ACVR1C: variants seen among roughly 807,000 people sequenced by gnomAD.
ACVR1C encodes activin A receptor type 1C.
In ACVR1C, 23 loss-of-function variants were observed where a neutral mutation model predicts 57.9. The ratio of observed to expected loss-of-function variants is 0.40; its 90% CI spans 0.29 to 0.56. The LOEUF is 0.56. ACVR1C is among the 20% of genes least tolerant of loss of function. The pLI, the probability that ACVR1C is intolerant of heterozygous loss-of-function variation, is 0.50. For synonymous variants in ACVR1C, 214 were observed against 215.3 expected (o/e 0.99, Z 0.05); for missense variants, 480 against 607.9 (o/e 0.79, Z 2.21).
rs1198770122 is a variant in ACVR1C, at chr2:157,582,181, C to T, written c.304+5006G>A. 3.9e-5 allele frequency among the ~76,000 whole-genome samples: 6 copies of T among 152,010 alleles called. No individual in the cohort carries two copies. In the East Asian group the frequency reaches 7.7e-4, roughly 20 times the overall value. ...AAATAATTTTTTTTTTGAAATTAGC[C>T]AGATGTGGTGGCATGTGCCTGTAGT... On this transcript the variant is annotated intron_variant, in intron 2 of 8. Coordinates refer to ENST00000243349, the MANE Select transcript of ACVR1C (RefSeq NM_145259.3).
At chr2:157,585,275 T>C (rs940879274) in intron 2 of ACVR1C, among the ~76,000 whole-genome samples, 11 of 152,178 alleles carry the variant, frequency 7.2e-5, no homozygotes, top group Non-Finnish European at 1.0e-4. Flanking sequence ...TCATCACACA[T>C]ATTCTCGATA....
intron 2 of ACVR1C, among the ~76,000 whole-genome samples, chr2:157,559,417 A>C (rs1573919578): frequency 6.7e-6 from 1 of 149,590 alleles, no homozygotes; most frequent in Non-Finnish European, 1.5e-5. Context: ...GGGATAAATG[A>C]AAAAAAAAAC....
At chr2:157,618,547 A>G (rs1682701774) in intron 1 of ACVR1C, among the ~76,000 whole-genome samples, 1 of 151,764 alleles carries the variant, frequency 6.6e-6, no homozygotes, top group African/African-American at 2.4e-5. Flanking sequence ...CTCTCTCTAT[A>G]AGAAACCCAA....
intron 3 of ACVR1C, among the ~76,000 whole-genome samples, chr2:157,550,746 A>AG (rs1687894856): frequency 6.6e-6 from 1 of 152,038 alleles, no homozygotes; most frequent in South Asian, 2.1e-4. Flanking sequence ...AAAAAAAAAA[A>AG]AAGAAGTGTT....
At chr2:157,597,337 C>A in intron 1 of ACVR1C, 1 of 985,746 alleles carries the variant, frequency 1.0e-6, no homozygotes, top group South Asian at 4.7e-5. Flanking sequence ...CACCCCGGCC[C>A]GCCCCCGGGG....
intron 2 of ACVR1C, among the ~76,000 whole-genome samples, chr2:157,558,351 C>T (rs1688156495): frequency 6.6e-6 from 1 of 152,204 alleles, no homozygotes; most frequent in Non-Finnish European, 1.5e-5. Context: ...TTTGCACTGA[C>T]AATGCTAAAG....
intron 3 of ACVR1C, among the ~76,000 whole-genome samples, chr2:157,554,565 G>T (rs1688044210): frequency 6.6e-6 from 1 of 152,132 alleles, no homozygotes; most frequent in African/African-American, 2.4e-5. Context: ...TACAGTGATG[G>T]TGTAAACATT....
intron 1 of ACVR1C, among the ~76,000 whole-genome samples, chr2:157,611,676 C>A (rs932767229): frequency 2.6e-5 from 4 of 152,154 alleles, no homozygotes; most frequent in African/African-American, 9.7e-5. Flanking sequence ...AGTCCCCAGG[C>A]TCCTAGGTGG....
At chr2:157,627,524 A>G (rs1444524821) in intron 1 of ACVR1C, among the ~76,000 whole-genome samples, 2 of 152,212 alleles carry the variant, frequency 1.3e-5, no homozygotes, top group Non-Finnish European at 2.9e-5. Context: ...ACATGACAGC[A>G]ATCATATCAT....
chr2:157,584,806 A>G (rs1410662164), intron 2 of ACVR1C, among the ~76,000 whole-genome samples: 2 of 152,244 alleles, frequency 1.3e-5, no homozygotes, highest in African/African-American at 2.4e-5. Flanking sequence ...TTTGCGAATA[A>G]CAGCCCCACA....
At chr2:157,604,324 C>T (rs1486059049) in intron 1 of ACVR1C, among the ~76,000 whole-genome samples, 1 of 151,932 alleles carries the variant, frequency 6.6e-6, no homozygotes, top group Non-Finnish European at 1.5e-5. Flanking sequence ...TTTTCTTTTC[C>T]TATACTTTTG....
intron 2 of ACVR1C, among the ~76,000 whole-genome samples, chr2:157,576,149 A>G (rs190036444): frequency 1.3e-5 from 2 of 149,968 alleles, no homozygotes; most frequent in East Asian, 3.9e-4. Context: ...CATGATCACA[A>G]CCTTATCCCT....
At chr2:157,550,785 G>A (rs762587566) in intron 3 of ACVR1C, among the ~76,000 whole-genome samples, 7 of 150,174 alleles carry the variant, frequency 4.7e-5, no homozygotes, top group Non-Finnish European at 8.9e-5. Context: ...TATGGTTCCT[G>A]GTACAACTGG....
chr2:157,589,066 A>T (rs1465910823), intron 1 of ACVR1C, among the ~76,000 whole-genome samples: 1 of 151,620 alleles, frequency 6.6e-6, no homozygotes, highest in Non-Finnish European at 1.5e-5. Flanking sequence ...GGATTGCTGG[A>T]TCAAATGGTA....
At chr2:157,537,962 A>G (rs1687527977) in intron 8 of ACVR1C, among the ~76,000 whole-genome samples, 2 of 152,194 alleles carry the variant, frequency 1.3e-5, no homozygotes, top group Admixed American at 1.3e-4. Flanking sequence ...TTCTAATGAG[A>G]GAATAAGTTC....
At chr2:157,553,719 A>G (rs1687976725) in intron 3 of ACVR1C, among the ~76,000 whole-genome samples, 1 of 152,140 alleles carries the variant, frequency 6.6e-6, no homozygotes, top group South Asian at 2.1e-4. Context: ...GAGTTATTTA[A>G]CCTCTTGAAC....
At position 157,549,829 on chromosome 2, in the gene ACVR1C, C is replaced by CAA. The variant is rs1173469291; in HGVS notation, c.775+331_775+332dup. Among the ~76,000 whole-genome samples the CAA allele has an allele frequency of 9.5e-3, 449 of 47,484 alleles. 1 individual carries two copies. Among genetic ancestry groups the CAA allele is most frequent in the Non-Finnish European group, 0.011 (233 of 21,862 alleles). The allele number at this position is 47,484 out of a possible 152,430, so 31.2% of individuals were successfully genotyped here. ...TGAAACCCCGTCTCTACTAAAAATA[C>CAA]AAAAAAAAAAAAAAAAAAAAAAAAT... On this transcript the variant is annotated intron_variant, in intron 4 of 8. Coordinates refer to ENST00000243349, the MANE Select transcript of ACVR1C (RefSeq NM_145259.3).
chr2:157,572,367 A>T (rs902944029), intron 2 of ACVR1C, among the ~76,000 whole-genome samples: 4 of 64,396 alleles, frequency 6.2e-5, no homozygotes, highest in Non-Finnish European at 1.2e-4. Context: ...AGAGTATAAT[A>T]AAAAAAAAAA....
At chr2:157,628,129 A>C (rs1280262127) in intron 1 of ACVR1C, among the ~76,000 whole-genome samples, 2 of 152,032 alleles carry the variant, frequency 1.3e-5, no homozygotes, top group Non-Finnish European at 2.9e-5. Flanking sequence ...CACCACCACC[A>C]TGCCACCATC....
Sources: gnomAD v4.1 joint callset for allele counts (sites outside exome capture counted in the v4.1 genomes callset) on GRCh38, gnomAD v4.1.1 for gene constraint, MANE v1.5 for transcripts, NCBI Gene and HGNC (gene_info 2026-07-23, HGNC 2026-07-21) for gene names.